The following RLF variants were observed in gnomAD, a reference collection of about 807,000 sequenced individuals.
RLF encodes RLF zinc finger.
A neutral mutation model predicts 162.9 loss-of-function variants in RLF; 7 were observed. That is an observed-to-expected ratio of 0.04 (90% CI 0.02 to 0.08). The LOEUF (loss-of-function observed/expected upper bound fraction) is 0.08. Among genes scored for constraint, RLF ranks in the 10% least tolerant of loss-of-function variants. The pLI is 1.00. For missense variants in RLF, 1,664 were observed against 2,244.7 expected (o/e 0.74, Z 5.23); for synonymous variants, 782 against 791.5 (o/e 0.99, Z 0.20).
chr1:40,201,193 G>C (rs55739002), intron 4 of RLF, among the ~76,000 whole-genome samples: 7,952 of 150,382 alleles, frequency 0.053, 260 homozygotes, highest in Non-Finnish European at 0.071. Flanking sequence ...TTTCAAGTCT[G>C]AGAGATACTG....
At chr1:40,221,772 C>T (rs1311766792) in intron 5 of RLF, among the ~76,000 whole-genome samples, 1 of 151,546 alleles carries the variant, frequency 6.6e-6, no homozygotes. Context: ...CGGTGGTGGG[C>T]GCCTGTAGTC....
intron 1 of RLF, among the ~76,000 whole-genome samples, chr1:40,180,770 T>C (rs974272540): frequency 3.3e-5 from 5 of 152,168 alleles, no homozygotes; most frequent in Non-Finnish European, 5.9e-5. Context: ...TTTTAGGAGG[T>C]CTTTATGTGT....
At position 40,189,218 on chromosome 1, in the gene RLF, G is replaced by C. The variant is rs202025243; in HGVS notation, c.392+9G>C. 560 of 1,606,210 alleles carry C rather than the reference G, an allele frequency of 3.5e-4. 5 individuals are homozygous for C. The Middle Eastern group carries it at 5.1e-3, about 15-fold the overall frequency. ...CTTGGCAGATTAGTACTGTAAGTTTGAGAACTTAAATCACTCTTAAAATTG... is the reference window on the plus strand; with the variant it reads ...CTTGGCAGATTAGTACTGTAAGTTTCAGAACTTAAATCACTCTTAAAATTG... On this transcript the variant is annotated intron_variant, in intron 2 of 7. Coordinates refer to ENST00000372771, the MANE Select transcript of RLF (RefSeq NM_012421.4).
chr1:40,187,889 T>C (rs1189944086), intron 1 of RLF, among the ~76,000 whole-genome samples: 4 of 152,226 alleles, frequency 2.6e-5, no homozygotes, highest in Non-Finnish European at 4.4e-5. Context: ...AAGTTAGGAA[T>C]GTTTGAAGAC....
chr1:40,190,799 G>T lies in RLF; in HGVS notation c.420G>T (p.Val140=). Reference sequence around the variant, plus strand: ...GTTGTTTCGAATTACTGCTTTCAGTGTCTGAAAGTGAACTGCCATGTGAAG... The same window carrying T: ...GTTGTTTCGAATTACTGCTTTCAGTTTCTGAAAGTGAACTGCCATGTGAAG... ...VLSCFELLLS[V]SESELPCEVW... Residue 140 remains valine (V), a synonymous_variant, in exon 3 of 8, where the codon GTG becomes GTT. Transcript: ENST00000372771. The T allele has an allele frequency of 6.2e-7, 1 of 1,611,812 alleles. No homozygotes were observed. The highest frequency in any genetic ancestry group is 8.5e-7 in the Non-Finnish European group (1 of 1,178,382).
chr1:40,172,703 T>G (rs1642261864), intron 1 of RLF, among the ~76,000 whole-genome samples: 1 of 152,082 alleles, frequency 6.6e-6, no homozygotes, highest in East Asian at 1.9e-4. Context: ...GAGGCAGAGG[T>G]TACAGTGAGC....
chr1:40,222,807 G>A, intron 6 of RLF, 97 bp downstream of exon 6: 4 of 1,041,680 alleles, frequency 3.8e-6, no homozygotes, highest in African/African-American at 1.6e-5. Context: ...TTAAAACCTA[G>A]CATGACCTGT....
At chr1:40,168,489 GC>G (rs1642196209) in intron 1 of RLF, among the ~76,000 whole-genome samples, 2 of 151,878 alleles carry the variant, frequency 1.3e-5, no homozygotes, top group African/African-American at 2.4e-5. Flanking sequence ...CAAGTGATCT[GC>G]CCACAGCTTC....
In RLF at chr1:40,236,942, T is replaced by C. The variant is rs1643224973; in HGVS notation, c.2240T>C (p.Ile747Thr). The C allele has an allele frequency of 6.2e-7, 1 of 1,614,200 alleles. No homozygotes were observed. The part of the protein sequence containing the change: ...CGPQPYMCVS[I>T]DCYARFGSVN... ...CCTCAGCCTTATATGTGTGTATCTA[T>C]AGATTGCTATGCTAGGTTTGGATCA... The change falls in exon 8 of 8, where the codon ATA becomes ACA. Residue 747 changes from isoleucine (I) to threonine (T), a missense_variant. Around this residue, in one of 15 missense-constraint regions of RLF, gnomAD observed 69 missense variants for 206.4 expected, o/e 0.33. Coordinates refer to ENST00000372771, the MANE Select transcript of RLF (RefSeq NM_012421.4). This position sits in a 1 kb window ranked among gnomAD's most constrained non-coding sequence, Gnocchi z 7.7.
rs780907879 is a variant in RLF, at chr1:40,239,439, C to T, written c.4737C>T (p.Ala1579=). ...HYKRTHQMSS[A]YLEQQMENLV... The stretch of plus-strand genomic sequence containing the variant: ...AACGCACTCATCAGATGAGTAGTGC[C>T]TATTTAGAGCAACAGATGGAGAATC... The change falls in exon 8 of 8, where the codon GCC becomes GCT. Residue 1579 remains alanine, a synonymous_variant. Coordinates refer to ENST00000372771, the MANE Select transcript of RLF (RefSeq NM_012421.4). 4.3e-5 allele frequency: 70 copies of T among 1,613,966 alleles called. No homozygotes were observed. The South Asian group carries it at 7.2e-4, about 17-fold the overall frequency.
Position 40,238,452 on chromosome 1 carries a change from A to G in RLF, c.3750A>G (p.Glu1250=), listed in dbSNP as rs775270135. The stretch of plus-strand genomic sequence containing the variant: ...CACACTGTCATCCTAAAAAGGATGA[A>G]TGTAGTTCTGAAACAGATTTGGAAT... ...EKPHCHPKKD[E]CSSETDLESS... Residue 1250 remains glutamate, a synonymous_variant, in exon 8 of 8, where the codon GAA becomes GAG. Coordinates refer to ENST00000372771, the MANE Select transcript of RLF (RefSeq NM_012421.4). The surrounding 1 kb of genome is among the most constrained non-coding windows in gnomAD (Gnocchi z 5.2). 3 of 1,614,164 alleles carry G rather than the reference A, an allele frequency of 1.9e-6. No individual in the cohort carries two copies. The highest frequency in any genetic ancestry group is 2.2e-5 in the East Asian group (1 of 44,874).
At chr1:40,180,207 A>G (rs1042888418) in intron 1 of RLF, among the ~76,000 whole-genome samples, 4 of 152,290 alleles carry the variant, frequency 2.6e-5, no homozygotes, top group African/African-American at 7.2e-5. Context: ...CCAGCAATGC[A>G]CAGGGGTTCC....
At chr1:40,183,633 G>A (rs1256709135) in intron 1 of RLF, among the ~76,000 whole-genome samples, 2 of 152,054 alleles carry the variant, frequency 1.3e-5, no homozygotes, top group East Asian at 3.8e-4. Context: ...AAGAAAGCGT[G>A]GTGATTAAGT....
rs1198097062 is a variant in RLF at position 40,239,936 on chromosome 1, T to G, written c.5234T>G (p.Val1745Gly). 1 of 1,613,506 alleles carries G rather than the reference T, an allele frequency of 6.2e-7. No individual in the cohort carries two copies. Among genetic ancestry groups the G allele is most frequent in the East Asian group, 2.2e-5 (1 of 44,892 alleles). ...QENTVKNPTH[V>G]PKENFRKHSQ... ...AACACTGTAAAAAATCCAACCCATGTCCCAAAAGAGAATTTTAGGAAACAT... is the reference window on the plus strand; with the variant it reads ...AACACTGTAAAAAATCCAACCCATGGCCCAAAAGAGAATTTTAGGAAACAT... Residue 1745 changes from valine (V) to glycine (G), a missense_variant, in exon 8 of 8, where the codon GTC becomes GGC. Physicochemically the swap from Val to Gly is moderately radical, Grantham distance 109. Coordinates refer to ENST00000372771, the MANE Select transcript of RLF (RefSeq NM_012421.4).
At position 40,207,817 on chromosome 1, in the gene RLF, C is replaced by T. The variant is rs190879997; in HGVS notation, c.810+5203C>T. Among the ~76,000 whole-genome samples, 196 of 152,204 alleles carry T rather than the reference C, an allele frequency of 1.3e-3. 1 individual carries two copies. The highest frequency in any genetic ancestry group is 4.6e-3 in the African/African-American group (190 of 41,544). Reference sequence around the variant, plus strand: ...GTAGAGACAGGGTTTTGCCACGTTGCCCAGGCTGGTCTCCAACTCCTGACC... The same window carrying T: ...GTAGAGACAGGGTTTTGCCACGTTGTCCAGGCTGGTCTCCAACTCCTGACC... On this transcript the variant is annotated intron_variant, in intron 5 of 7. Transcript: ENST00000372771.
intron 5 of RLF, among the ~76,000 whole-genome samples, chr1:40,205,880 G>C (rs1197756336): frequency 6.6e-6 from 1 of 152,066 alleles, no homozygotes; most frequent in Non-Finnish European, 1.5e-5. Flanking sequence ...TCAGTTTTCT[G>C]TCTACCTCAT....
intron 4 of RLF, among the ~76,000 whole-genome samples, chr1:40,198,036 T>C (rs1027374078): frequency 9.2e-5 from 14 of 152,086 alleles, no homozygotes; most frequent in Non-Finnish European, 1.5e-5. Context: ...GGAGTTTCGC[T>C]CTTATTACTC....
intron 5 of RLF, among the ~76,000 whole-genome samples, chr1:40,212,735 G>T (rs1383669947): frequency 1.3e-5 from 2 of 152,118 alleles, no homozygotes; most frequent in Non-Finnish European, 2.9e-5. Flanking sequence ...TCCTGATGGG[G>T]AAAGGAAAGG....
intron 3 of RLF, among the ~76,000 whole-genome samples, chr1:40,194,639 A>G (rs1280890931): frequency 6.6e-6 from 1 of 151,782 alleles, no homozygotes; most frequent in Non-Finnish European, 1.5e-5. Flanking sequence ...CACCAGGGCT[A>G]TCATTCAAGT....
Sources: gnomAD v4.1 joint callset for allele counts (sites outside exome capture counted in the v4.1 genomes callset) on GRCh38, gnomAD v4.1.1 for gene constraint, gnomAD v4.1.1 regional missense constraint, Gnocchi (gnomAD v3.1) non-coding constraint, MANE v1.5 for transcripts, NCBI Gene and HGNC (gene_info 2026-07-23, HGNC 2026-07-21) for gene names.